The following CAST variants were observed in gnomAD, a reference collection of about 807,000 sequenced individuals.
The protein encoded by CAST is MIR583 host.
CAST carries 76 observed loss-of-function variants against 119.6 expected under a neutral mutation model. The observed-to-expected ratio is 0.64, with a 90% CI of 0.53 to 0.77. CAST has a LOEUF of 0.77. CAST is among the 30% of genes least tolerant of loss of function. The probability of loss-of-function intolerance (pLI) is 0.00; values close to 1 mark genes in which losing one functional copy is unlikely to be tolerated. For missense variants in CAST, 953 were observed against 946.5 expected, an observed-to-expected ratio of 1.01 and a Z score of -0.09; for synonymous variants, 319 against 331.6, an observed-to-expected ratio of 0.96 and a Z score of 0.41.
the CAST span, among the ~76,000 whole-genome samples, chr5:96,418,115 T>A: frequency 6.6e-6 from 1 of 152,214 alleles, no homozygotes; most frequent in Non-Finnish European, 1.5e-5. Context: ...ACGACTATTC[T>A]CTAGTGAGAG....
chr5:96,496,517 T>C, the CAST span, among the ~76,000 whole-genome samples: 1 of 152,196 alleles, frequency 6.6e-6, no homozygotes. Context: ...CTCAAAACAT[T>C]TTGGTCATAA....
the CAST span, among the ~76,000 whole-genome samples, chr5:96,013,452 C>T: frequency 6.6e-6 from 1 of 151,970 alleles, no homozygotes; most frequent in Non-Finnish European, 1.5e-5. Flanking sequence ...GCATAGTACT[C>T]CATTATATAT....
chr5:96,358,536 G>T, the CAST span, among the ~76,000 whole-genome samples: 1 of 152,046 alleles, frequency 6.6e-6, no homozygotes, highest in South Asian at 2.1e-4. Flanking sequence ...TTGTGTTTTT[G>T]TTCTCATTGG....
intron 20 of CAST, among the ~76,000 whole-genome samples, chr5:96,752,997 C>A (rs1209896360): frequency 6.8e-6 from 1 of 146,158 alleles, no homozygotes; most frequent in Middle Eastern, 3.2e-3. Context: ...CACACTCTTA[C>A]ATTTTTTTTT....
chr5:96,682,507 C>G (rs1751559085), intron 2 of CAST, among the ~76,000 whole-genome samples: 1 of 151,974 alleles, frequency 6.6e-6, no homozygotes, highest in Non-Finnish European at 1.5e-5. Context: ...ACACTTTTGT[C>G]TGAATTTTCT....
rs1158918392 is a variant in CAST at position 96,561,792 on chromosome 5, TTTTG to T, written c.60+31916_60+31919del. Among the ~76,000 whole-genome samples, 4 of 65,256 alleles carry T rather than the reference TTTTG, an allele frequency of 6.1e-5. 1 individual carries two copies. Among genetic ancestry groups the T allele is most frequent in the Non-Finnish European group, 1.1e-4 (4 of 35,436 alleles). The allele number at this position is 65,256 out of a possible 152,430, so 42.8% of individuals were successfully genotyped here. On this transcript the variant is annotated intron_variant, in intron 1 of 11. Coordinates refer to the CAST transcript ENST00000505143. ...ATATGTGTATTATATATATGTTTTT[TTTTG>T]TTTTTTTTTTTTTTGAGACGGAGTC...
the CAST span, among the ~76,000 whole-genome samples, chr5:96,436,884 G>A: frequency 6.6e-6 from 1 of 152,182 alleles, no homozygotes; most frequent in Non-Finnish European, 1.5e-5. Flanking sequence ...CCAAATTTTG[G>A]TGGGTGTGCT....
chr5:96,235,409 C>A, the CAST span, among the ~76,000 whole-genome samples: 1 of 152,210 alleles, frequency 6.6e-6, no homozygotes, highest in Non-Finnish European at 1.5e-5. Flanking sequence ...CAGACGTAGT[C>A]CATCCCTTCA....
At chr5:96,663,967 G>T (rs1748959678) in intron 1 of CAST, among the ~76,000 whole-genome samples, 2 of 151,386 alleles carry the variant, frequency 1.3e-5, no homozygotes, top group African/African-American at 4.9e-5. Flanking sequence ...TCACACACAG[G>T]AGTTTTGTTG....
At chr5:96,039,027 G>A in the CAST span, among the ~76,000 whole-genome samples, 1 of 152,036 alleles carries the variant, frequency 6.6e-6, no homozygotes, top group Admixed American at 6.6e-5. Context: ...AACCTTTCCA[G>A]CATCTGTTGT....
At chr5:96,668,621 T>C (rs1487992533) in intron 1 of CAST, among the ~76,000 whole-genome samples, 1 of 152,222 alleles carries the variant, frequency 6.6e-6, no homozygotes, top group African/African-American at 2.4e-5. Flanking sequence ...CTGGGATAGA[T>C]ACCATTAGCC....
At chr5:96,557,021 C>A (rs1019991834) in intron 1 of CAST, among the ~76,000 whole-genome samples, 1 of 152,086 alleles carries the variant, frequency 6.6e-6, no homozygotes, top group Non-Finnish European at 1.5e-5. Flanking sequence ...TCGGCAGAAA[C>A]TCTACAAGCC....
At chr5:96,426,642 G>A in the CAST span, among the ~76,000 whole-genome samples, 2 of 152,010 alleles carry the variant, frequency 1.3e-5, no homozygotes, top group African/African-American at 4.8e-5. Flanking sequence ...AGAGAGTGAG[G>A]GGCTGCCTTG....
chr5:96,181,443 G>A, the CAST span, among the ~76,000 whole-genome samples: 5 of 152,124 alleles, frequency 3.3e-5, no homozygotes, highest in African/African-American at 9.7e-5. Context: ...CTTGGGACAC[G>A]GAGCATCAAA....
the CAST span, among the ~76,000 whole-genome samples, chr5:96,193,413 G>T: frequency 1.3e-5 from 2 of 152,140 alleles, no homozygotes; most frequent in Non-Finnish European, 1.5e-5. Context: ...ACAAGATACT[G>T]GGAGGGAAAA....
At chr5:96,743,934 A>C (rs921182288) in intron 16 of CAST, among the ~76,000 whole-genome samples, 1 of 152,142 alleles carries the variant, frequency 6.6e-6, no homozygotes, top group African/African-American at 2.4e-5. Context: ...AGTATATTGC[A>C]CTTCTGCCCC....
chr5:96,569,941 A>C (rs1376368153), intron 1 of CAST, among the ~76,000 whole-genome samples: 1 of 152,234 alleles, frequency 6.6e-6, no homozygotes, highest in African/African-American at 2.4e-5. Context: ...CCCACAGAGA[A>C]GGTGGCACCT....
the CAST span, among the ~76,000 whole-genome samples, chr5:95,999,568 TC>T: frequency 7.2e-5 from 11 of 152,132 alleles, no homozygotes; most frequent in Non-Finnish European, 1.5e-5. Flanking sequence ...GGTCTCAAAC[TC>T]CTGATTTCAA....
At chr5:96,599,966 C>CAAAAAAAAAA (rs74978713) in intron 1 of CAST, among the ~76,000 whole-genome samples, 792 of 47,022 alleles carry the variant, frequency 0.017, 28 homozygotes, top group African/African-American at 0.045. Flanking sequence ...CTTCATTAGG[C>CAAAAAAAAAA]AAAAAAAAAA....
Sources: gnomAD v4.1 joint callset for allele counts (sites outside exome capture counted in the v4.1 genomes callset) on GRCh38, gnomAD v4.1.1 for gene constraint, MANE v1.5 for transcripts, NCBI Gene and HGNC (gene_info 2026-07-23, HGNC 2026-07-21) for gene names.